MRC1: variants seen among roughly 807,000 people sequenced by gnomAD.
The protein encoded by MRC1 is macrophage mannose receptor 1.
In MRC1, 62 loss-of-function variants were observed where a neutral mutation model predicts 102.9. The ratio of observed to expected loss-of-function variants is 0.60; its 90% confidence interval spans 0.49 to 0.74. MRC1 has a LOEUF of 0.74. Among genes scored for constraint, MRC1 ranks in the 30% least tolerant of loss-of-function variants. MRC1 has a pLI of 0.00. For missense variants in MRC1, 1,237 were observed against 862.8 expected (o/e 1.43, Z -5.43); for synonymous variants, 457 against 298.4 (o/e 1.53, Z -5.48).
At chr10:17,841,424 A>G (rs1589172637) in intron 5 of MRC1, among the ~76,000 whole-genome samples, 1 of 152,194 alleles carries the variant, frequency 6.6e-6, no homozygotes. Flanking sequence ...ATGATATTCC[A>G]TACTAGCATA....
intron 2 of MRC1, among the ~76,000 whole-genome samples, chr10:17,826,227 G>C (rs940592419): frequency 6.6e-5 from 10 of 152,026 alleles, no homozygotes; most frequent in Middle Eastern, 3.4e-3. Context: ...TTTTGACGCA[G>C]AGTCTCACTC....
At position 17,910,818 on chromosome 10, in the gene MRC1, A is replaced by C. The variant is rs1190000177; in HGVS notation, c.*353A>C. ...TGGCATATTTTAAGGAGCTCCCAAA[A>C]TGTGTTACCTATTAAATTGTAACTC... On this transcript the variant is annotated 3_prime_UTR_variant, in exon 30 of 30. Transcript: ENST00000569591. 2 of 245,876 alleles carry C rather than the reference A, an allele frequency of 8.1e-6. No individual in the cohort carries two copies. Among genetic ancestry groups the C allele is most frequent in the Non-Finnish European group, 1.6e-5 (2 of 126,230 alleles). The allele number at this position is 245,876 out of a possible 1,614,324, so 15.2% of individuals were successfully genotyped here. A position where few individuals can be genotyped will look rare whatever the true frequency, so the allele number is the denominator to read the frequency against.
chr10:17,898,905 C>T (rs1449067210), intron 24 of MRC1, among the ~76,000 whole-genome samples: 13 of 152,090 alleles, frequency 8.5e-5, no homozygotes, highest in Non-Finnish European at 1.8e-4. Flanking sequence ...AGCCAACCAG[C>T]AAGCTTCCTA....
rs944374786 is a variant in MRC1 at position 17,860,025 on chromosome 10, G to A, written c.1519-1362G>A. Among the ~76,000 whole-genome samples, 17 of 152,162 alleles carry A rather than the reference G, an allele frequency of 1.1e-4. No individual in the cohort carries two copies. The East Asian group carries it at 2.9e-3, about 26-fold the overall frequency. The stretch of plus-strand genomic sequence containing the variant: ...GGTATCATTTTTATACAAGGACCTC[G>A]GTTCCAACTCCCTGCCTCAAGTGAG... On this transcript the variant is annotated intron_variant, in intron 9 of 29. Coordinates refer to ENST00000569591, the MANE Select transcript of MRC1 (RefSeq NM_002438.4).
rs984186729 is a variant in MRC1, at chr10:17,845,032, G to A, written c.917-257G>A. On this transcript the variant is annotated intron_variant, in intron 5 of 29. Coordinates refer to ENST00000569591, the MANE Select transcript of MRC1 (RefSeq NM_002438.4). ...TGTAGCTTTATTAGCTGATAATGGGGGAAAGGGTTGTTTCAAAGAAGTATA... is the reference window on the plus strand; with the variant it reads ...TGTAGCTTTATTAGCTGATAATGGGAGAAAGGGTTGTTTCAAAGAAGTATA... The A allele has an allele frequency of 4.5e-3, 3,277 of 728,068 alleles. 84 individuals carry two copies. The African/African-American group carries it at 0.049, about 11-fold the overall frequency. 45.1% of individuals were successfully genotyped at this position (728,068 alleles called of 1,614,324 possible).
chr10:17,908,842 T>G (rs1462234262), intron 28 of MRC1, among the ~76,000 whole-genome samples: 3 of 152,236 alleles, frequency 2.0e-5, no homozygotes, highest in African/African-American at 7.2e-5. Flanking sequence ...GTGCTGGGAT[T>G]ACAGGCGTGA....
intron 22 of MRC1, among the ~76,000 whole-genome samples, chr10:17,891,789 T>C (rs1833680297): frequency 6.6e-6 from 1 of 152,162 alleles, no homozygotes; most frequent in Admixed American, 6.5e-5. Context: ...GTCTTTGGGT[T>C]CTCCTAAAGA....
intron 7 of MRC1, 52 bp from the exon 8 acceptor site, chr10:17,852,915 A>G (rs1186062957): frequency 1.3e-6 from 1 of 780,572 alleles, no homozygotes; most frequent in Non-Finnish European, 2.4e-6. Flanking sequence ...TTACCCCCCG[A>G]CCTTTGGAAA....
chr10:17,877,316 A>T (rs1332543959), intron 17 of MRC1, among the ~76,000 whole-genome samples: 1 of 148,176 alleles, frequency 6.7e-6, no homozygotes, highest in African/African-American at 2.5e-5. Context: ...AATATATGAT[A>T]TATGTAAAAT....
At chr10:17,857,214 T>A (rs990416851) in intron 9 of MRC1, among the ~76,000 whole-genome samples, 216 of 152,336 alleles carry the variant, frequency 1.4e-3, no homozygotes, top group Admixed American at 4.1e-3. Context: ...CAGTTCCTCT[T>A]CTAAGTTTTG....
intron 1 of MRC1, among the ~76,000 whole-genome samples, chr10:17,821,371 A>T (rs540067121): frequency 1.3e-3 from 197 of 152,262 alleles, no homozygotes; most frequent in Non-Finnish European, 2.2e-3. Context: ...TTGTTTTTGC[A>T]TTCTAAGGCA....
rs1293047292 is a variant in MRC1 at position 17,871,536 on chromosome 10, T to C, written c.2200-446T>C. On this transcript the variant is annotated intron_variant, in intron 14 of 29. Transcript: ENST00000569591. The stretch of plus-strand genomic sequence containing the variant: ...CTGTTAGCAATATTTTCTGGGTCTT[T>C]TTCTTTTGCAAGAAGAATAAATTGT... Among the ~76,000 whole-genome samples, 7 of 152,334 alleles carry C rather than the reference T, an allele frequency of 4.6e-5. No homozygotes were observed. The East Asian group carries it at 1.2e-3, about 25-fold the overall frequency.
At chr10:17,893,705 T>C (rs1833712874) in intron 22 of MRC1, among the ~76,000 whole-genome samples, 1 of 152,214 alleles carries the variant, frequency 6.6e-6, no homozygotes, top group Non-Finnish European at 1.5e-5. Flanking sequence ...AGTCCTGGCA[T>C]ACTCCCCTGT....
chr10:17,902,973 A>G (rs959846833), intron 26 of MRC1, among the ~76,000 whole-genome samples: 3 of 152,246 alleles, frequency 2.0e-5, no homozygotes, highest in South Asian at 4.1e-4. Context: ...TTTTTTTCCT[A>G]TGAAATGTCT....
intron 17 of MRC1, among the ~76,000 whole-genome samples, chr10:17,877,496 A>AT (rs1443123219): frequency 6.6e-6 from 1 of 150,926 alleles, no homozygotes; most frequent in Non-Finnish European, 1.5e-5. Context: ...ATATAGATTC[A>AT]TTTTACATAT....
intron 12 of MRC1, among the ~76,000 whole-genome samples, chr10:17,868,595 C>G (rs1241725708): frequency 1.3e-5 from 2 of 152,198 alleles, no homozygotes; most frequent in African/African-American, 2.4e-5. Flanking sequence ...CTTAATGATA[C>G]TGTTTTCTAA....
At chr10:17,899,428 T>C (rs1833799607) in intron 24 of MRC1, among the ~76,000 whole-genome samples, 3 of 152,340 alleles carry the variant, frequency 2.0e-5, no homozygotes, top group South Asian at 2.1e-4. Context: ...AGTTTTTCAT[T>C]GTGGCAATAT....
rs1833957082 is a variant in MRC1, at chr10:17,910,660, A to C, written c.*195A>C. 1.6e-6 allele frequency: 1 copy of C among 638,640 alleles called. No homozygotes were observed. Among genetic ancestry groups the C allele is most frequent in the Admixed American group, 2.7e-5 (1 of 37,458 alleles). The allele number at this position is 638,640 out of a possible 1,614,324, so 39.6% of individuals were successfully genotyped here. A position where few individuals can be genotyped will look rare whatever the true frequency, so the allele number is the denominator to read the frequency against. ...GATATTTTCATAAAAGAGGGATAAC[A>C]ATGCTGATTACTACCTTTTAAAATA... On this transcript the variant is annotated 3_prime_UTR_variant, in exon 30 of 30. Transcript: ENST00000569591.
intron 2 of MRC1, among the ~76,000 whole-genome samples, chr10:17,823,768 C>G (rs1003317758): frequency 1.3e-5 from 2 of 152,078 alleles, no homozygotes; most frequent in Non-Finnish European, 2.9e-5. Context: ...TTCAGAAAAT[C>G]GTTTTCATTG....
Sources: gnomAD v4.1 joint callset for allele counts (sites outside exome capture counted in the v4.1 genomes callset) on GRCh38, gnomAD v4.1.1 for gene constraint, MANE v1.5 for transcripts, NCBI Gene and HGNC (gene_info 2026-07-23, HGNC 2026-07-21) for gene names.